Variants in JARID2 observed in about 807,000 individuals in gnomAD.
JARID2 encodes jumonji and AT-rich interaction domain containing 2.
JARID2 carries 21 observed loss-of-function variants against 125.6 expected under a neutral mutation model. That is an observed-to-expected ratio of 0.17 (90% CI 0.12 to 0.24). JARID2 has a LOEUF of 0.24. Ranked by LOEUF, JARID2 falls within the 10% of genes least tolerant of loss-of-function variation. JARID2 has a pLI of 1.00. For synonymous variants in JARID2, 736 were observed against 661.6 expected (o/e 1.11, Z -1.73); for missense variants, 1,303 against 1,639.6 (o/e 0.79, Z 3.55).
intron 1 of JARID2, among the ~76,000 whole-genome samples, chr6:15,254,922 A>G (rs1207082157): frequency 2.6e-5 from 4 of 151,940 alleles, no homozygotes; most frequent in Non-Finnish European, 5.9e-5. Context: ...GGCACCTGTA[A>G]TCCCAGCTAC....
intron 1 of JARID2, among the ~76,000 whole-genome samples, chr6:15,357,844 C>T (rs1032524053): frequency 2.0e-5 from 3 of 152,190 alleles, no homozygotes; most frequent in Non-Finnish European, 2.9e-5. Context: ...TGCAGACCCA[C>T]GGACACCCCC....
At position 15,496,746 on chromosome 6, in the gene JARID2, C is replaced by T. The variant is rs1315269968; in HGVS notation, c.1521C>T (p.Ser507=). ...NRPKRATAGK[S]TPGRQAHGKA... ...CGAAGCGGGCCACGGCCGGGAAGAGCACGCCAGGCAGACAAGCACATGGCA... is the reference window on the plus strand; with the variant it reads ...CGAAGCGGGCCACGGCCGGGAAGAGTACGCCAGGCAGACAAGCACATGGCA... Residue 507 remains serine, a synonymous_variant, in exon 7 of 18, where the codon AGC becomes AGT. Coordinates refer to ENST00000341776, the MANE Select transcript of JARID2 (RefSeq NM_004973.4). The T allele has an allele frequency of 1.9e-6, 3 of 1,613,668 alleles. No individual in the cohort carries two copies. The highest frequency in any genetic ancestry group is 2.2e-5 in the East Asian group (1 of 44,870).
intron 1 of JARID2, among the ~76,000 whole-genome samples, chr6:15,297,180 T>C (rs1485451464): frequency 6.6e-6 from 1 of 152,220 alleles, no homozygotes; most frequent in Non-Finnish European, 1.5e-5. Flanking sequence ...AGAAGGAGTC[T>C]CACTCTGTTG....
chr6:15,491,119 G>A (rs1043978988), intron 6 of JARID2, among the ~76,000 whole-genome samples: 1 of 152,192 alleles, frequency 6.6e-6, no homozygotes, highest in Non-Finnish European at 1.5e-5. Context: ...TGGAAAATAC[G>A]GCTATTGAGA....
chr6:15,509,395 AG>A (rs2127760540), intron 12 of JARID2: 1 of 982,270 alleles, frequency 1.0e-6, no homozygotes, highest in South Asian at 4.7e-5. Flanking sequence ...CTTTGGAGCC[AG>A]CGTCGGCTGC....
rs150379846 is a variant in JARID2 at position 15,309,496 on chromosome 6, G to A, written c.45+62912G>A. Among the ~76,000 whole-genome samples, 398 of 152,112 alleles carry A rather than the reference G, an allele frequency of 2.6e-3. 2 individuals carry two copies. The highest frequency in any genetic ancestry group is 8.9e-3 in the African/African-American group (370 of 41,472). ...TAGGGGATTGGTTAAATTATGGAACGTCTGTTCCGTGCAGTCATTAAAATG... is the reference window on the plus strand; with the variant it reads ...TAGGGGATTGGTTAAATTATGGAACATCTGTTCCGTGCAGTCATTAAAATG... On this transcript the variant is annotated intron_variant, in intron 1 of 17. Coordinates refer to ENST00000341776, the MANE Select transcript of JARID2 (RefSeq NM_004973.4).
chr6:15,493,891 C>T (rs765634059), intron 6 of JARID2, among the ~76,000 whole-genome samples: 7 of 151,774 alleles, frequency 4.6e-5, no homozygotes, highest in Non-Finnish European at 1.0e-4. Context: ...TTTTATAAAT[C>T]TGTTTTAAAT....
At chr6:15,515,033 G>GCTCT (rs1304681774) in intron 16 of JARID2, among the ~76,000 whole-genome samples, 1 of 129,570 alleles carries the variant, frequency 7.7e-6, no homozygotes, top group African/African-American at 2.6e-5. Context: ...AGCTTGGTGT[G>GCTCT]CTCTCTCTCT....
intron 1 of JARID2, among the ~76,000 whole-genome samples, chr6:15,283,199 C>CT (rs1760838534): frequency 6.7e-6 from 1 of 148,676 alleles, no homozygotes; most frequent in Non-Finnish European, 1.5e-5. Context: ...AGGACGGTCT[C>CT]GATCTGCCGA....
intron 17 of JARID2, among the ~76,000 whole-genome samples, chr6:15,517,642 C>T (rs1771628403): frequency 6.6e-6 from 1 of 152,232 alleles, no homozygotes; most frequent in Admixed American, 6.5e-5. Flanking sequence ...ACTAACTTGA[C>T]ACCAGCCCCT....
rs201686985 is a variant in JARID2, at chr6:15,513,001, C to T, written c.3222C>T (p.Asn1074=). 23 of 1,613,990 alleles carry T rather than the reference C, an allele frequency of 1.4e-5. No individual in the cohort carries two copies. Among genetic ancestry groups the T allele is most frequent in the East Asian group, 4.5e-5 (2 of 44,814 alleles). ...QIAQAEAKKE[N]GPTLSTISAL... is the part of the protein sequence containing the mutation. The stretch of plus-strand genomic sequence containing the variant: ...CACAAGCAGAAGCAAAAAAAGAAAA[C>T]GGTCCCACTCTCAGTACCATCTCAG... Residue 1074 remains asparagine, a synonymous_variant, in exon 15 of 18, where the codon AAC becomes AAT. Coordinates refer to ENST00000341776, the MANE Select transcript of JARID2 (RefSeq NM_004973.4).
At chr6:15,503,344 C>T (rs2282816) in intron 8 of JARID2, among the ~76,000 whole-genome samples, 137,246 of 152,320 alleles carry the variant, frequency 0.9, 61,883 homozygotes, top group African/African-American at 0.94. Flanking sequence ...CATGGAAGTA[C>T]GTTCCTGTAG....
intron 2 of JARID2, chr6:15,400,725 C>T (rs1165536119): frequency 5.9e-6 from 5 of 844,734 alleles, no homozygotes; most frequent in South Asian, 1.1e-4. Context: ...TCGATTCCCT[C>T]CCTTGCACAT....
At chr6:15,347,139 T>C (rs1451456550) in intron 1 of JARID2, among the ~76,000 whole-genome samples, 1 of 152,098 alleles carries the variant, frequency 6.6e-6, no homozygotes, top group Non-Finnish European at 1.5e-5. Flanking sequence ...TGAGAACACA[T>C]GTGAAGTAAC....
intron 3 of JARID2, among the ~76,000 whole-genome samples, chr6:15,421,128 C>G (rs979342085): frequency 6.6e-6 from 1 of 152,100 alleles, no homozygotes; most frequent in Non-Finnish European, 1.5e-5. Flanking sequence ...CTTGCCCTTT[C>G]CGTAACTGCT....
chr6:15,337,043 C>G (rs922943007), intron 1 of JARID2, among the ~76,000 whole-genome samples: 1 of 152,120 alleles, frequency 6.6e-6, no homozygotes, highest in Non-Finnish European at 1.5e-5. Flanking sequence ...TTGTCCTCCT[C>G]GCAGGGTGAG....
intron 3 of JARID2, among the ~76,000 whole-genome samples, chr6:15,419,464 A>G (rs1407548920): frequency 1.3e-5 from 2 of 152,214 alleles, no homozygotes; most frequent in South Asian, 2.1e-4. Flanking sequence ...TGTTTCTAGT[A>G]TCATTTGCAT....
At position 15,434,976 on chromosome 6, in the gene JARID2, G is replaced by T. The variant is rs374201656; in HGVS notation, c.324-17030G>T. Among the ~76,000 whole-genome samples the T allele has an allele frequency of 2.0e-5, 3 of 152,252 alleles. No individual in the cohort carries two copies. The South Asian group carries it at 6.2e-4, about 32-fold the overall frequency. The stretch of plus-strand genomic sequence containing the variant: ...TTTTGATTTCTAGAAGCTCTGTTTG[G>T]TTCTTTTCAAATGTTAGGTTACACT... On this transcript the variant is annotated intron_variant, in intron 3 of 17. Coordinates refer to ENST00000341776, the MANE Select transcript of JARID2 (RefSeq NM_004973.4).
At chr6:15,346,936 A>T (rs1052973952) in intron 1 of JARID2, among the ~76,000 whole-genome samples, 1 of 151,938 alleles carries the variant, frequency 6.6e-6, no homozygotes, top group Non-Finnish European at 1.5e-5. Flanking sequence ...GGGTTTCACC[A>T]TGTTGGCTAG....
Sources: gnomAD v4.1 joint callset for allele counts (sites outside exome capture counted in the v4.1 genomes callset) on GRCh38, gnomAD v4.1.1 for gene constraint, MANE v1.5 for transcripts, NCBI Gene and HGNC (gene_info 2026-07-23, HGNC 2026-07-21) for gene names.